The following PHACTR1 variants were observed in gnomAD, a reference collection of about 807,000 sequenced individuals.
PHACTR1 encodes phosphatase and actin regulator 1, also known as RPEL repeat containing 1.
In PHACTR1, 16 loss-of-function variants were observed where a neutral mutation model predicts 69.2. The observed-to-expected ratio is 0.23, with a 90% CI of 0.16 to 0.35. PHACTR1 has a LOEUF of 0.35. Ranked by LOEUF, PHACTR1 falls within the 10% of genes least tolerant of loss-of-function variation. PHACTR1 has a pLI of 1.00. For missense variants in PHACTR1, 510 were observed against 734.7 expected (o/e 0.69, Z 3.54); for synonymous variants, 312 against 284.5 (o/e 1.10, Z -0.97).
At chr6:13,097,559 A>G (rs80050109) in intron 5 of PHACTR1, among the ~76,000 whole-genome samples, 1,992 of 152,308 alleles carry the variant, frequency 0.013, 45 homozygotes, top group African/African-American at 0.045. Context: ...ATGCAAGGAA[A>G]CTAATTTAAA....
intron 10 of PHACTR1, among the ~76,000 whole-genome samples, chr6:13,241,256 A>G (rs1476737555): frequency 6.6e-6 from 1 of 152,206 alleles, no homozygotes; most frequent in Non-Finnish European, 1.5e-5. Flanking sequence ...ATTGCATTTC[A>G]GTAATACCTG....
At chr6:13,221,921 A>G (rs1291974466) in intron 8 of PHACTR1, among the ~76,000 whole-genome samples, 2 of 152,152 alleles carry the variant, frequency 1.3e-5, no homozygotes, top group Non-Finnish European at 2.9e-5. Flanking sequence ...CTGTAATCCC[A>G]GCCACCTGGG....
At chr6:13,161,050 G>T (rs1327602419) in intron 6 of PHACTR1, among the ~76,000 whole-genome samples, 2 of 152,024 alleles carry the variant, frequency 1.3e-5, no homozygotes, top group East Asian at 3.9e-4. Flanking sequence ...TGCAATCACG[G>T]CTCACTGCAG....
rs535057925 is a variant in PHACTR1 at position 12,861,085 on chromosome 6, C to A, written c.250+111295C>A. Among the ~76,000 whole-genome samples the A allele has an allele frequency of 2.3e-4, 35 of 152,282 alleles. No homozygotes were observed. In the South Asian group the frequency reaches 6.2e-3, roughly 27 times the overall value. On this transcript the variant is annotated intron_variant, in intron 4 of 14. Coordinates refer to ENST00000332995, the MANE Select transcript of PHACTR1 (RefSeq NM_030948.6). Reference sequence around the variant, plus strand: ...AGTTTTTGATGTGTTATTGACTGACCAGTATTTCCTAAATAAATTAGTAAT... The same window carrying A: ...AGTTTTTGATGTGTTATTGACTGACAAGTATTTCCTAAATAAATTAGTAAT...
chr6:13,158,593 A>C lies in PHACTR1; in HGVS notation c.416-1611A>C, dbSNP rs138525954. ...TAAAATAGTAAGTTCCAAAATATAT[A>C]ATTAGTGATTCTCAGCCGAGTCATG... is the stretch of plus-strand genomic sequence containing the variant. On this transcript the variant is annotated intron_variant, in intron 5 of 14. Transcript: ENST00000332995. Among the ~76,000 whole-genome samples the C allele has an allele frequency of 2.6e-3, 393 of 152,356 alleles. 1 individual carries two copies. The highest frequency in any genetic ancestry group is 8.4e-3 in the African/African-American group (350 of 41,584).
chr6:13,200,700 G>A (rs946807216), intron 7 of PHACTR1, among the ~76,000 whole-genome samples: 5 of 146,466 alleles, frequency 3.4e-5, no homozygotes, highest in East Asian at 1.9e-4. Flanking sequence ...TTGGGAGGCC[G>A]GGGTGGGTGG....
At chr6:13,278,824 A>G (rs922511331) in intron 12 of PHACTR1, among the ~76,000 whole-genome samples, 11 of 152,076 alleles carry the variant, frequency 7.2e-5, no homozygotes, top group Non-Finnish European at 1.2e-4. Flanking sequence ...CTAGCTGTGC[A>G]TGGTGATGTG....
intron 4 of PHACTR1, among the ~76,000 whole-genome samples, chr6:12,849,763 T>G (rs1339171997): frequency 6.6e-6 from 1 of 152,164 alleles, no homozygotes; most frequent in East Asian, 1.9e-4. Context: ...GGAAATGTCT[T>G]TCTTCTTTTT....
intron 4 of PHACTR1, chr6:12,933,546 A>G: frequency 6.4e-7 from 1 of 1,557,886 alleles, no homozygotes; most frequent in South Asian, 1.2e-5. Flanking sequence ...AATATAATGG[A>G]TCTCGCCAGG....
At chr6:13,161,556 C>T (rs1007697145) in intron 6 of PHACTR1, among the ~76,000 whole-genome samples, 2 of 152,070 alleles carry the variant, frequency 1.3e-5, no homozygotes, top group Non-Finnish European at 2.9e-5. Flanking sequence ...ACAATCTGTC[C>T]TGATAGTCAA....
intron 5 of PHACTR1, among the ~76,000 whole-genome samples, chr6:13,066,559 T>G (rs879626753): frequency 3.3e-5 from 5 of 152,186 alleles, no homozygotes; most frequent in Non-Finnish European, 7.4e-5. Flanking sequence ...GGGTTATCTA[T>G]TGCTGTGTTA....
At chr6:12,963,930 A>G (rs1194079457) in intron 4 of PHACTR1, among the ~76,000 whole-genome samples, 7 of 152,220 alleles carry the variant, frequency 4.6e-5, no homozygotes. Context: ...GAGGCTGAAA[A>G]TGTTTAGGAC....
intron 4 of PHACTR1, among the ~76,000 whole-genome samples, chr6:12,913,228 G>T (rs1786601674): frequency 6.6e-6 from 1 of 152,246 alleles, no homozygotes; most frequent in African/African-American, 2.4e-5. Flanking sequence ...TGGCTCCAGA[G>T]GTCATCAGGT....
At chr6:12,812,163 C>T (rs1775083008) in intron 4 of PHACTR1, among the ~76,000 whole-genome samples, 1 of 152,060 alleles carries the variant, frequency 6.6e-6, no homozygotes, top group Admixed American at 6.6e-5. Context: ...GCCTGTTGTC[C>T]CTCACCCCAG....
At chr6:12,766,626 A>C (rs1382193586) in intron 4 of PHACTR1, among the ~76,000 whole-genome samples, 1 of 152,164 alleles carries the variant, frequency 6.6e-6, no homozygotes, top group African/African-American at 2.4e-5. Flanking sequence ...AACAACTATA[A>C]ATTAGAGGGT....
intron 6 of PHACTR1, among the ~76,000 whole-genome samples, chr6:13,178,077 G>A (rs1274529793): frequency 2.0e-5 from 3 of 152,190 alleles, no homozygotes; most frequent in East Asian, 1.9e-4. Flanking sequence ...TCTTAGATCC[G>A]TTGCTTTCTA....
At chr6:12,830,129 G>GAAAAGAAAGAAAGAAAGAAAGA (rs138888499) in intron 4 of PHACTR1, among the ~76,000 whole-genome samples, 1 of 136,564 alleles carries the variant, frequency 7.3e-6, no homozygotes, top group Non-Finnish European at 1.6e-5. Flanking sequence ...AAGAAAGAAA[G>GAAAAGAAAGAAAGAAAGAAAGA]AAAGAAAGAA....
At chr6:12,788,846 A>G (rs568948596) in intron 4 of PHACTR1, among the ~76,000 whole-genome samples, 2 of 152,370 alleles carry the variant, frequency 1.3e-5, no homozygotes, top group South Asian at 4.1e-4. Context: ...TAAATTCTGC[A>G]TTGAAGACTT....
At chr6:13,016,632 G>GTT (rs59575469) in intron 4 of PHACTR1, among the ~76,000 whole-genome samples, 11 of 142,314 alleles carry the variant, frequency 7.7e-5, no homozygotes, top group Admixed American at 1.4e-4. Context: ...TTACTCAAGA[G>GTT]TTTTTTTTTT....
Sources: gnomAD v4.1 joint callset for allele counts (sites outside exome capture counted in the v4.1 genomes callset) on GRCh38, gnomAD v4.1.1 for gene constraint, MANE v1.5 for transcripts, NCBI Gene and HGNC (gene_info 2026-07-23, HGNC 2026-07-21) for gene names.